The following SCN4B variants were observed in gnomAD, a reference collection of about 807,000 sequenced individuals.
SCN4B encodes the protein sodium channel regulatory subunit beta-4.
Under a neutral mutation model 19.6 loss-of-function variants are expected in SCN4B, and 20 were observed. The observed-to-expected ratio is 1.02, with a 90% confidence interval of 0.72 to 1.48. The LOEUF is 1.48. Ranked by LOEUF, SCN4B falls within the 40% of genes most tolerant of loss-of-function variation. SCN4B has a pLI of 0.00. For missense variants in SCN4B, 271 were observed against 287.5 expected (o/e 0.94, Z 0.42); for synonymous variants, 127 against 122.8 (o/e 1.03, Z -0.22).
In SCN4B at chr11:118,148,267, T is replaced by A. The variant is rs73597590; in HGVS notation, c.62-3038A>T. On this transcript the variant is annotated intron_variant, in intron 1 of 4. Coordinates refer to ENST00000324727, the MANE Select transcript of SCN4B (RefSeq NM_174934.4). This position sits in a 1 kb window ranked among gnomAD's most constrained non-coding sequence, Gnocchi z 4.0. ...AGTGCACAGCCCTCCCAGTCGGGAG[T>A]CATGCAGTCCTGCCAGTTATGTCTG... 2.1e-3 allele frequency among the ~76,000 whole-genome samples: 320 copies of A among 152,010 alleles called. 3 individuals carry two copies. The highest frequency in any genetic ancestry group is 7.7e-3 in the African/African-American group (318 of 41,432).
At position 118,136,618 on chromosome 11, in the gene SCN4B, A is replaced by T. The variant is rs1270453704; in HGVS notation, c.*409T>A. 2 of 455,510 alleles carry T rather than the reference A, an allele frequency of 4.4e-6. No homozygotes were observed. Among genetic ancestry groups the T allele is most frequent in the Non-Finnish European group, 8.8e-6 (2 of 228,022 alleles). 28.2% of individuals were successfully genotyped at this position (455,510 alleles called of 1,614,324 possible). ...AGGAAGCCACTTCTTCCTACACCCC[A>T]TCTCCAGGGTGCAGCTCTTAGGACA... On this transcript the variant is annotated 3_prime_UTR_variant, in exon 5 of 5. Coordinates refer to ENST00000324727, the MANE Select transcript of SCN4B (RefSeq NM_174934.4).
rs916744904 is a variant in SCN4B, at chr11:118,135,314, C to A, written c.*1713G>T. The A allele has an allele frequency of 1.1e-5, 5 of 454,102 alleles. No homozygotes were observed. The highest frequency in any genetic ancestry group is 4.7e-5 in the South Asian group (3 of 64,478). The allele number at this position is 454,102 out of a possible 1,614,324, so 28.1% of individuals were successfully genotyped here. On this transcript the variant is annotated 3_prime_UTR_variant, in exon 5 of 5. Coordinates refer to ENST00000324727, the MANE Select transcript of SCN4B (RefSeq NM_174934.4). ...GTACTACTGGTCCTCAGTCTCCCCCCACTCCACCCTTGCGAGGCTTGCAGC... is the reference window on the plus strand; with the variant it reads ...GTACTACTGGTCCTCAGTCTCCCCCAACTCCACCCTTGCGAGGCTTGCAGC...
At chr11:118,141,667 A>G (rs904469447) in intron 3 of SCN4B, 2 of 389,820 alleles carry the variant, frequency 5.1e-6, no homozygotes, top group African/African-American at 2.0e-5. Context: ...CCAAATTGCC[A>G]GGCGAAAATT....
Position 118,143,998 on chromosome 11 carries a change from G to T in SCN4B, c.298C>A (p.Arg100Ser). Residue 100 changes from arginine to serine, a missense_variant, in exon 3 of 5, where the codon CGC (arginine) becomes AGC (serine). Coordinates refer to ENST00000324727, the MANE Select transcript of SCN4B (RefSeq NM_174934.4). ...DPKVTLKDDD[R>S]ITLVGSTKEK... is the part of the protein sequence containing the mutation. ...TTAGTAGAGCCTACCAGAGTGATGC[G>T]GTCATCGTCTTTCAACGTCACCTTG... 1 of 1,614,084 alleles carries T rather than the reference G, an allele frequency of 6.2e-7. No individual in the cohort carries two copies. The highest frequency in any genetic ancestry group is 8.5e-7 in the Non-Finnish European group (1 of 1,179,960).
Position 118,145,096 on chromosome 11 carries a change from G to T in SCN4B, c.195C>A (p.His65Gln). Reference protein sequence around the residue: ...FSSCFGFEDLHFRWTYNSSDA... With the variant: ...FSSCFGFEDLQFRWTYNSSDA... ...CACTGCTGTTGTAGGTCCACCGGAAGTGGAGGTCCTCGAAGCCAAAGCAGC... is the reference window on the plus strand; with the variant it reads ...CACTGCTGTTGTAGGTCCACCGGAATTGGAGGTCCTCGAAGCCAAAGCAGC... Residue 65 changes from histidine to glutamine, a missense_variant, in exon 2 of 5, where the codon CAC (histidine) becomes CAA (glutamine). By Grantham distance (24) the His-to-Gln change is conservative. Coordinates refer to ENST00000324727, the MANE Select transcript of SCN4B (RefSeq NM_174934.4). The T allele has an allele frequency of 6.2e-7, 1 of 1,614,196 alleles. No individual in the cohort carries two copies. Among genetic ancestry groups the T allele is most frequent in the Non-Finnish European group, 8.5e-7 (1 of 1,180,026 alleles).
chr11:118,146,823 T>C (rs117181393), intron 1 of SCN4B, among the ~76,000 whole-genome samples: 3,287 of 152,306 alleles, frequency 0.022, 59 homozygotes, highest in Non-Finnish European at 0.034. Flanking sequence ...AGGTCCACAT[T>C]GTAGGTGAGA....
At chr11:118,151,880 T>A (rs1280596313) in intron 1 of SCN4B, among the ~76,000 whole-genome samples, 1 of 152,264 alleles carries the variant, frequency 6.6e-6, no homozygotes, top group Non-Finnish European at 1.5e-5. Flanking sequence ...ATATTAATAA[T>A]GCTTCTTCCT....
Position 118,133,837 on chromosome 11 carries a change from G to A in SCN4B, c.*3190C>T, listed in dbSNP as rs773924190. ...ATGGAGTGACGGAATGCAGGAGCAC[G>A]GCTGGTCTTCTCTGCCTTTGATTCT... On this transcript the variant is annotated 3_prime_UTR_variant, in exon 5 of 5. Transcript: ENST00000324727. The A allele has an allele frequency of 1.8e-5, 8 of 454,356 alleles. No homozygotes were observed. Among genetic ancestry groups the A allele is most frequent in the South Asian group, 4.7e-5 (3 of 64,476 alleles). The allele number at this position is 454,356 out of a possible 1,614,324, so 28.1% of individuals were successfully genotyped here. A position where few individuals can be genotyped will look rare whatever the true frequency, so the allele number is the denominator to read the frequency against.
intron 1 of SCN4B, among the ~76,000 whole-genome samples, chr11:118,151,514 G>C (rs1948232776): frequency 6.6e-6 from 1 of 152,160 alleles, no homozygotes; most frequent in Non-Finnish European, 1.5e-5. Flanking sequence ...GCGGTACAGA[G>C]GTAAATAAAC....
intron 1 of SCN4B, among the ~76,000 whole-genome samples, chr11:118,150,023 CT>C (rs1205457399): frequency 1.3e-5 from 2 of 152,176 alleles, no homozygotes; most frequent in African/African-American, 2.4e-5. Context: ...TTTCCTTTTT[CT>C]TCCTCTGAGT....
chr11:118,138,102 A>G (rs1243064893), intron 4 of SCN4B, among the ~76,000 whole-genome samples: 3 of 151,998 alleles, frequency 2.0e-5, no homozygotes, highest in Non-Finnish European at 2.9e-5. Flanking sequence ...CCTCCTCCAC[A>G]GCAGCGCCCA....
In SCN4B at chr11:118,136,040, G is replaced by C. The variant is rs559032799; in HGVS notation, c.*987C>G. On this transcript the variant is annotated 3_prime_UTR_variant, in exon 5 of 5. Transcript: ENST00000324727. The stretch of plus-strand genomic sequence containing the variant: ...CAGGGCGTGATGGAGGGCACGGTGG[G>C]GGGGGGGGAGCGAGCCAATGGGAGG... The C allele has an allele frequency of 6.2e-3, 2,709 of 434,940 alleles. 141 individuals are homozygous for C. Among genetic ancestry groups the C allele is most frequent in the Admixed American group, 0.062 (2,513 of 40,830 alleles). The allele number at this position is 434,940 out of a possible 1,614,324, so 26.9% of individuals were successfully genotyped here.
At chr11:118,141,104 A>C in intron 4 of SCN4B, 103 bp downstream of exon 4, 19 of 1,279,652 alleles carry the variant, frequency 1.5e-5, no homozygotes, top group Non-Finnish European at 2.0e-5. Flanking sequence ...AGGAATGGGA[A>C]TGGGGGGAAG....
chr11:118,138,101 C>G (rs184396330), intron 4 of SCN4B, among the ~76,000 whole-genome samples: 7 of 152,132 alleles, frequency 4.6e-5, no homozygotes, highest in Non-Finnish European at 1.5e-5. Flanking sequence ...CCCTCCTCCA[C>G]AGCAGCGCCC....
chr11:118,150,531 G>T (rs568553766), intron 1 of SCN4B, among the ~76,000 whole-genome samples: 2 of 152,264 alleles, frequency 1.3e-5, no homozygotes, highest in East Asian at 3.9e-4. Flanking sequence ...CCCCTCACCA[G>T]ACTTGAGTTA....
At position 118,135,300 on chromosome 11, in the gene SCN4B, C is replaced by T. The variant is rs1342137793; in HGVS notation, c.*1727G>A. ...CGGGCACCCTGCAGGTACTACTGGT[C>T]CTCAGTCTCCCCCCACTCCACCCTT... On this transcript the variant is annotated 3_prime_UTR_variant, in exon 5 of 5. Transcript: ENST00000324727. The T allele has an allele frequency of 6.6e-6, 3 of 453,960 alleles. No individual in the cohort carries two copies. Among genetic ancestry groups the T allele is most frequent in the Non-Finnish European group, 1.3e-5 (3 of 226,786 alleles). The allele number at this position is 453,960 out of a possible 1,614,324, so 28.1% of individuals were successfully genotyped here.
Position 118,135,210 on chromosome 11 carries a change from A to C in SCN4B, c.*1817T>G, listed in dbSNP as rs1439345615. On this transcript the variant is annotated 3_prime_UTR_variant, in exon 5 of 5. Transcript: ENST00000324727. ...CTGGGTAGAGAAGAATGGGAGGCGC[A>C]CAGGCAGATCAGACGGGGAACTGGT... 1 of 453,964 alleles carries C rather than the reference A, an allele frequency of 2.2e-6. No homozygotes were observed. Among genetic ancestry groups the C allele is most frequent in the Admixed American group, 2.3e-5 (1 of 42,570 alleles). The allele number at this position is 453,964 out of a possible 1,614,324, so 28.1% of individuals were successfully genotyped here.
intron 1 of SCN4B, among the ~76,000 whole-genome samples, chr11:118,147,462 G>A (rs571644568): frequency 4.6e-5 from 7 of 152,258 alleles, no homozygotes; most frequent in South Asian, 2.1e-4. Context: ...AATAAGCAGC[G>A]TTCAGATATT....
Position 118,133,905 on chromosome 11 carries a change from G to T in SCN4B, c.*3122C>A, listed in dbSNP as rs1335633406. 1 of 454,438 alleles carries T rather than the reference G, an allele frequency of 2.2e-6. No homozygotes were observed. The highest frequency in any genetic ancestry group is 4.4e-6 in the Non-Finnish European group (1 of 226,788). The allele number at this position is 454,438 out of a possible 1,614,324, so 28.2% of individuals were successfully genotyped here. ...CCTCAACAGGCATAGCTCAGGCCAA[G>T]AAAGACGGCTCCTCAAATGTCCAGC... On this transcript the variant is annotated 3_prime_UTR_variant, in exon 5 of 5. Coordinates refer to ENST00000324727, the MANE Select transcript of SCN4B (RefSeq NM_174934.4).
Sources: gnomAD v4.1 joint callset for allele counts (sites outside exome capture counted in the v4.1 genomes callset) on GRCh38, gnomAD v4.1.1 for gene constraint, Gnocchi (gnomAD v3.1) non-coding constraint, MANE v1.5 for transcripts, NCBI Gene and HGNC (gene_info 2026-07-23, HGNC 2026-07-21) for gene names.